Variants in SCN8A observed in about 807,000 individuals in gnomAD.
SCN8A encodes sodium channel protein type 8 subunit alpha.
In SCN8A, 30 loss-of-function variants were observed where a neutral mutation model predicts 184.1. That is an observed-to-expected ratio of 0.16 (90% CI 0.12 to 0.22). The LOEUF (loss-of-function observed/expected upper bound fraction) is 0.22. Among genes scored for constraint, SCN8A ranks in the 10% least tolerant of loss-of-function variants. SCN8A has a pLI of 1.00. For missense variants in SCN8A, 1,057 were observed against 2,498.9 expected, an observed-to-expected ratio of 0.42 and a Z score of 12.30; for synonymous variants, 852 against 907.0, an observed-to-expected ratio of 0.94 and a Z score of 1.09.
At chr12:51,663,672 A>G (rs1169675865) in intron 2 of SCN8A, among the ~76,000 whole-genome samples, 5 of 152,172 alleles carry the variant, frequency 3.3e-5, no homozygotes, top group East Asian at 1.9e-4. Context: ...CAATTCTGTT[A>G]TTCATGCAAG....
intron 1 of SCN8A, among the ~76,000 whole-genome samples, chr12:51,642,842 C>T (rs1436830611): frequency 6.6e-6 from 1 of 151,790 alleles, no homozygotes; most frequent in Non-Finnish European, 1.5e-5. Context: ...AGTGATGCTT[C>T]TGAATTTGGT....
intron 22 of SCN8A, among the ~76,000 whole-genome samples, chr12:51,788,037 C>A (rs896081155): frequency 5.9e-5 from 9 of 152,016 alleles, no homozygotes; most frequent in African/African-American, 1.7e-4. Flanking sequence ...CTTCCTGTGC[C>A]CTGAAAAAAC....
At chr12:51,705,972 G>A (rs928223486) in intron 10 of SCN8A, among the ~76,000 whole-genome samples, 1 of 152,090 alleles carries the variant, frequency 6.6e-6, no homozygotes, top group Non-Finnish European at 1.5e-5. Flanking sequence ...GTCATAAAAA[G>A]TATTATTTCT....
In SCN8A at chr12:51,806,021, T is replaced by C. The variant is rs980379009; in HGVS notation, c.4796-261T>C. Among the ~76,000 whole-genome samples the C allele has an allele frequency of 6.6e-6, 1 of 152,090 alleles. No individual in the cohort carries two copies. Among genetic ancestry groups the C allele is most frequent in the Non-Finnish European group, 1.5e-5 (1 of 68,006 alleles). The stretch of plus-strand genomic sequence containing the variant: ...TTTTTTATTTTCAGTAGAGACAGGG[T>C]TTCACCATGTTGGCCAGGCTGGTCT... On this transcript the variant is annotated intron_variant, in intron 26 of 26. Coordinates refer to ENST00000627620, the MANE Select transcript of SCN8A (RefSeq NM_001330260.2). The surrounding 1 kb of genome is among the most constrained non-coding windows in gnomAD (Gnocchi z 8.7).
At chr12:51,598,028 A>C (rs1359435021) in intron 1 of SCN8A, among the ~76,000 whole-genome samples, 1 of 152,202 alleles carries the variant, frequency 6.6e-6, no homozygotes, top group Non-Finnish European at 1.5e-5. Context: ...CCCAGAAATC[A>C]CATTTGCTAC....
At chr12:51,677,731 C>T (rs914553837) in intron 2 of SCN8A, among the ~76,000 whole-genome samples, 3 of 152,188 alleles carry the variant, frequency 2.0e-5, no homozygotes, top group Non-Finnish European at 4.4e-5. Flanking sequence ...TGCCACATGA[C>T]ACATTTATTA....
intron 8 of SCN8A, among the ~76,000 whole-genome samples, chr12:51,701,654 C>T (rs1197280650): frequency 1.3e-5 from 2 of 152,146 alleles, no homozygotes; most frequent in Admixed American, 6.6e-5. Flanking sequence ...AGACCTTTGG[C>T]AAGCCATTTA....
At chr12:51,779,730 A>T (rs1937836005) in intron 20 of SCN8A, among the ~76,000 whole-genome samples, 1 of 152,182 alleles carries the variant, frequency 6.6e-6, no homozygotes, top group Non-Finnish European at 1.5e-5. Context: ...TCCAACTGTT[A>T]TTCTAATGAT....
intron 1 of SCN8A, among the ~76,000 whole-genome samples, chr12:51,591,900 C>T (rs1380064125): frequency 6.6e-6 from 1 of 152,158 alleles, no homozygotes; most frequent in Non-Finnish European, 1.5e-5. Context: ...GCACTCCCGA[C>T]TCCCTCTGTC....
chr12:51,657,747 T>G (rs1940850299), intron 1 of SCN8A, among the ~76,000 whole-genome samples: 1 of 152,176 alleles, frequency 6.6e-6, no homozygotes, highest in South Asian at 2.1e-4. Flanking sequence ...TTCTAGTAGT[T>G]TCATACTTAC....
At position 51,789,527 on chromosome 12, in the gene SCN8A, T is replaced by C. The variant is rs1938183398; in HGVS notation, c.4419+109T>C. ...TCCCTCTTTCTTTCTCTAAAATCTA[T>C]ATTGTTAGCTCACTGTGACCCTGGC... On this transcript the variant is annotated intron_variant, in intron 24 of 26. Transcript: ENST00000627620. The C allele has an allele frequency of 1.1e-5, 14 of 1,227,564 alleles. No homozygotes were observed. In the South Asian group the frequency reaches 1.6e-4, roughly 14 times the overall value. The allele number at this position is 1,227,564 out of a possible 1,614,324, so 76.0% of individuals were successfully genotyped here. A position where few individuals can be genotyped will look rare whatever the true frequency, so the allele number is the denominator to read the frequency against.
At chr12:51,791,155 C>T (rs532280465) in intron 25 of SCN8A, among the ~76,000 whole-genome samples, 1 of 152,232 alleles carries the variant, frequency 6.6e-6, no homozygotes, top group South Asian at 2.1e-4. Context: ...AAAAGCCAGG[C>T]CCAAAGTTCC....
chr12:51,640,212 GTTTTTTTTTTTTTTT>G (rs57362371), intron 1 of SCN8A, among the ~76,000 whole-genome samples: 1 of 34,730 alleles, frequency 2.9e-5, no homozygotes, highest in Non-Finnish European at 5.0e-5. Context: ...TGCCTGGCCT[GTTTTTTTTTTTTTTT>G]TTTTTTTTTT....
At chr12:51,705,101 T>A (rs1941760788) in intron 9 of SCN8A, among the ~76,000 whole-genome samples, 1 of 152,256 alleles carries the variant, frequency 6.6e-6, no homozygotes, top group Non-Finnish European at 1.5e-5. Context: ...TTGTATTCTT[T>A]TCTTTATACT....
At chr12:51,771,343 A>AG (rs1473794417) in intron 19 of SCN8A, among the ~76,000 whole-genome samples, 1 of 152,180 alleles carries the variant, frequency 6.6e-6, no homozygotes, top group East Asian at 1.9e-4. Context: ...ACTTTCCTTA[A>AG]GGGAAAGGTG....
At chr12:51,703,878 A>C (rs547266257) in intron 9 of SCN8A, among the ~76,000 whole-genome samples, 1 of 152,002 alleles carries the variant, frequency 6.6e-6, no homozygotes, top group Non-Finnish European at 1.5e-5. Flanking sequence ...AATGTTTCTC[A>C]TGAAATATTT....
At chr12:51,684,093 A>G (rs1941379569) in intron 2 of SCN8A, 81 bp from the exon 3 acceptor site, 1 of 788,742 alleles carries the variant, frequency 1.3e-6, no homozygotes, top group Admixed American at 1.9e-5. Flanking sequence ...GAGTTTATGT[A>G]TTCCTTACCT....
At chr12:51,741,170 T>C (rs563856721) in intron 12 of SCN8A, among the ~76,000 whole-genome samples, 1 of 152,332 alleles carries the variant, frequency 6.6e-6, no homozygotes, top group African/African-American at 2.4e-5. Flanking sequence ...TTATAATTGC[T>C]ATATCCTTTT....
chr12:51,775,523 C>T (rs1036815846), intron 20 of SCN8A, among the ~76,000 whole-genome samples: 4 of 152,172 alleles, frequency 2.6e-5, no homozygotes, highest in Admixed American at 1.3e-4. Context: ...GTGAGGACCC[C>T]AGCCCTAGAG....
Sources: allele counts gnomAD v4.1 joint callset (sites outside exome capture counted in the v4.1 genomes callset), GRCh38; gene constraint gnomAD v4.1.1; non-coding constraint Gnocchi (gnomAD v3.1); transcripts MANE v1.5; gene names NCBI Gene and HGNC (gene_info 2026-07-23, HGNC 2026-07-21).